TOP2A: variants seen among roughly 807,000 people sequenced by gnomAD.
TOP2A encodes the protein DNA topoisomerase 2-alpha.
A neutral mutation model predicts 187.2 loss-of-function variants in TOP2A; 68 were observed. The ratio of observed to expected loss-of-function variants is 0.36; its 90% CI spans 0.30 to 0.44. The LOEUF (loss-of-function observed/expected upper bound fraction) is 0.44. Ranked by LOEUF, TOP2A falls within the 20% of genes least tolerant of loss-of-function variation. The pLI, the probability that TOP2A is intolerant of heterozygous loss-of-function variation, is 1.00. For synonymous variants in TOP2A, 542 were observed against 593.2 expected (o/e 0.91, Z 1.25); for missense variants, 1,196 against 1,808.7 (o/e 0.66, Z 6.14).
At chr17:40,408,794 G>T in intron 10 of TOP2A, 164 bp from the exon 11 acceptor site, 1 of 748,006 alleles carries the variant, frequency 1.3e-6, no homozygotes. Context: ...CCCATGTCAG[G>T]TTATCACCAC....
At chr17:40,403,278 T>G (rs1168171119) in intron 19 of TOP2A, among the ~76,000 whole-genome samples, 1 of 152,232 alleles carries the variant, frequency 6.6e-6, no homozygotes, top group Non-Finnish European at 1.5e-5. Flanking sequence ...TTTGAAGGCA[T>G]AGTTCTTCTC....
intron 21 of TOP2A, 30 bp from the exon 22 acceptor site, chr17:40,400,693 T>A: frequency 6.3e-7 from 1 of 1,579,804 alleles, no homozygotes; most frequent in South Asian, 1.2e-5. Flanking sequence ...AACAGTATGT[T>A]TTCTAAATGT....
intron 10 of TOP2A, 86 bp from the exon 11 acceptor site, chr17:40,408,716 A>C: frequency 7.3e-7 from 1 of 1,376,366 alleles, no homozygotes. Flanking sequence ...GCCTTAATAC[A>C]AATAAAAATG....
In TOP2A at chr17:40,391,276, G is replaced by C. The variant is rs76602907; in HGVS notation, c.4267+230C>G. The C allele has an allele frequency of 2.7e-3, 1,187 of 438,424 alleles. 8 individuals carry two copies. The highest frequency in any genetic ancestry group is 0.016 in the Middle Eastern group (28 of 1,728). 27.2% of individuals were successfully genotyped at this position (438,424 alleles called of 1,614,324 possible). A position where few individuals can be genotyped will look rare whatever the true frequency, so the allele number is the denominator to read the frequency against. On this transcript the variant is annotated intron_variant, in intron 33 of 34. Transcript: ENST00000423485. ...GTAGTGAGAAGGAGGGAAAAGAGTA[G>C]AACAAGGAGTTTGATCTGTAACTGA...
rs2035321097 is a variant in TOP2A, at chr17:40,411,444, A to G, written c.975T>C (p.His325=). Residue 325 remains histidine (H), a synonymous_variant, in exon 9 of 35, where the codon CAT becomes CAC. Transcript: ENST00000423485. This position sits in a 1 kb window ranked among gnomAD's most constrained non-coding sequence, Gnocchi z 4.4. ...CAATCTGATCAGCTACATAATCAAC[A>G]TGTCTGCCACCCTAATAAGGAAAAA... ...NSIATSKGGR[H]VDYVADQIVT... is the part of the protein sequence containing the mutation. The G allele has an allele frequency of 1.9e-6, 3 of 1,613,562 alleles. No homozygotes were observed. Among genetic ancestry groups the G allele is most frequent in the Non-Finnish European group, 1.7e-6 (2 of 1,179,654 alleles).
In TOP2A at chr17:40,411,283, A is replaced by C. The variant is rs746640858; in HGVS notation, c.1066-37T>G. 1.2e-5 allele frequency: 19 copies of C among 1,612,112 alleles called. No homozygotes were observed. Among genetic ancestry groups the C allele is most frequent in the Non-Finnish European group, 1.6e-5 (19 of 1,179,288 alleles). On this transcript the variant is annotated intron_variant, in intron 9 of 34. Transcript: ENST00000423485. The surrounding 1 kb of genome is among the most constrained non-coding windows in gnomAD (Gnocchi z 4.4). ...GTTGATATTAAGCCACTAAAAATGT[A>C]CTCATGCTTTATTTATAGCCTTTCT... is the stretch of plus-strand genomic sequence containing the variant.
At position 40,389,057 on chromosome 17, in the gene TOP2A, C is replaced by A. The variant is rs1416841933; in HGVS notation, c.*462G>T. 4 of 217,530 alleles carry A rather than the reference C, an allele frequency of 1.8e-5. No individual in the cohort carries two copies. Among genetic ancestry groups the A allele is most frequent in the Non-Finnish European group, 3.7e-5 (4 of 107,400 alleles). 13.5% of individuals were successfully genotyped at this position (217,530 alleles called of 1,614,324 possible). A position where few individuals can be genotyped will look rare whatever the true frequency, so the allele number is the denominator to read the frequency against. On this transcript the variant is annotated 3_prime_UTR_variant, in exon 35 of 35. Transcript: ENST00000423485. Reference sequence around the variant, plus strand: ...GTATCTGTACTAGAACCATAAAGTTCTATCTGATGGTAAATTATGTATAAA... The same window carrying A: ...GTATCTGTACTAGAACCATAAAGTTATATCTGATGGTAAATTATGTATAAA...
chr17:40,403,925 A>G (rs1769627333), intron 19 of TOP2A, among the ~76,000 whole-genome samples: 1 of 152,246 alleles, frequency 6.6e-6, no homozygotes, highest in African/African-American at 2.4e-5. Context: ...GTTATAATAA[A>G]CATACTAAGC....
chr17:40,395,677 CTT>C (rs2035087472), intron 28 of TOP2A, 138 bp from the exon 29 acceptor site: 1 of 517,814 alleles, frequency 1.9e-6, no homozygotes, highest in Non-Finnish European at 3.4e-6. Context: ...GGGCAGATCT[CTT>C]GAGGTCAGGA....
At chr17:40,406,791 G>A in intron 14 of TOP2A, 41 bp downstream of exon 14, 2 of 1,578,806 alleles carry the variant, frequency 1.3e-6, no homozygotes, top group African/African-American at 1.3e-5. Flanking sequence ...TGAGGAGTAG[G>A]GTCTTAAAAT....
intron 30 of TOP2A, 90 bp downstream of exon 30, chr17:40,392,495 G>A: frequency 1.4e-6 from 2 of 1,478,928 alleles, no homozygotes; most frequent in Non-Finnish European, 1.8e-6. Context: ...GCTCTATTAA[G>A]ACACAGTAAT....
At chr17:40,412,715 T>C (rs1182845123) in intron 7 of TOP2A, 44 bp downstream of exon 7, 1 of 1,515,804 alleles carries the variant, frequency 6.6e-7, no homozygotes, top group South Asian at 1.2e-5. Context: ...TTGACAATGA[T>C]TACAAAATCC....
In TOP2A at chr17:40,390,437, G is replaced by A. The variant is rs551475208; in HGVS notation, c.4268-273C>T. ...ACTCCTGACCTCAGGTGATCCACTC[G>A]CCTCGGCCTCCCAAAGTGCTGGGAT... On this transcript the variant is annotated intron_variant, in intron 33 of 34. Transcript: ENST00000423485. Among the ~76,000 whole-genome samples the A allele has an allele frequency of 5.8e-4, 87 of 151,178 alleles. 1 individual carries two copies. Among genetic ancestry groups the A allele is most frequent in the Middle Eastern group, 3.5e-3 (1 of 286 alleles).
chr17:40,392,075 G>A lies in TOP2A; in HGVS notation c.4125C>T (p.Val1375=), dbSNP rs559251838. Residue 1375 remains valine, a synonymous_variant, in exon 32 of 35, where the codon GTC becomes GTT. Transcript: ENST00000423485. The stretch of plus-strand genomic sequence containing the variant: ...TTTTACTTAAATACATACCTGACAC[G>A]ACACTTTTCTGTGGTTTCAGTTCTT... The part of the protein sequence containing the change: ...SNKELKPQKS[V]VSDLEADDVK... The A allele has an allele frequency of 5.6e-6, 9 of 1,611,700 alleles. No individual in the cohort carries two copies. Among genetic ancestry groups the A allele is most frequent in the Middle Eastern group, 1.7e-4 (1 of 6,054 alleles).
intron 24 of TOP2A, among the ~76,000 whole-genome samples, chr17:40,399,490 T>C (rs1202685544): frequency 6.6e-6 from 1 of 151,592 alleles, no homozygotes; most frequent in African/African-American, 2.4e-5. Flanking sequence ...GTAGAAGCCA[T>C]TCGTAATCTT....
intron 3 of TOP2A, 72 bp from the exon 4 acceptor site, chr17:40,416,140 T>C: frequency 1.6e-6 from 2 of 1,258,698 alleles, no homozygotes; most frequent in Non-Finnish European, 2.2e-6. Context: ...CTAAGTAAGA[T>C]ATAGAAAAAA....
intron 16 of TOP2A, 106 bp downstream of exon 16, chr17:40,406,278 T>C: frequency 2.7e-6 from 2 of 749,632 alleles, no homozygotes; most frequent in Non-Finnish European, 4.2e-6. Context: ...TATAAAACAT[T>C]CTTTTTTTTT....
intron 10 of TOP2A, 124 bp downstream of exon 10, chr17:40,410,985 C>T (rs1296416990): frequency 4.9e-6 from 5 of 1,019,704 alleles, no homozygotes; most frequent in Non-Finnish European, 6.9e-6. Flanking sequence ...TTTTTACTTC[C>T]TTTTCAGATT....
chr17:40,400,922 G>A lies in TOP2A; in HGVS notation c.2592C>T (p.Ile864=), dbSNP rs1039411372. The A allele has an allele frequency of 1.9e-6, 3 of 1,613,928 alleles. No homozygotes were observed. The highest frequency in any genetic ancestry group is 2.5e-6 in the Non-Finnish European group (3 of 1,179,886). The change falls in exon 21 of 35, where the codon ATC becomes ATT. Residue 864 remains isoleucine, a synonymous_variant. Transcript: ENST00000423485. ...CAATTTCACGCACATCAAAGTTGGG[G>A]ATTTTGCAGGACCACCCAGTACCGA... is the stretch of plus-strand genomic sequence containing the variant. The part of the protein sequence containing the change: ...EGIGTGWSCK[I]PNFDVREIVN...
Sources: gnomAD v4.1 joint callset for allele counts (sites outside exome capture counted in the v4.1 genomes callset) on GRCh38, gnomAD v4.1.1 for gene constraint, Gnocchi (gnomAD v3.1) non-coding constraint, MANE v1.5 for transcripts, NCBI Gene and HGNC (gene_info 2026-07-23, HGNC 2026-07-21) for gene names.